TLN1: variants seen among roughly 807,000 people sequenced by gnomAD.
TLN1 encodes the protein talin 1, also known as talin-1.
TLN1 carries 56 observed loss-of-function variants against 292.3 expected under a neutral mutation model. The ratio of observed to expected loss-of-function variants is 0.19; its 90% CI spans 0.15 to 0.24. The LOEUF is 0.24. TLN1 is among the 10% of genes least tolerant of loss of function. TLN1 has a pLI of 1.00. For missense variants in TLN1, 2,433 were observed against 3,248.2 expected, an observed-to-expected ratio of 0.75 and a Z score of 6.10; for synonymous variants, 1,119 against 1,253.7, an observed-to-expected ratio of 0.89 and a Z score of 2.27.
chr9:35,714,616 G>A lies in TLN1; in HGVS notation c.2943C>T (p.Ser981=), dbSNP rs753144511. Residue 981 remains serine (S), a synonymous_variant, in exon 23 of 57, where the codon AGC becomes AGT. Coordinates refer to ENST00000314888, the MANE Select transcript of TLN1 (RefSeq NM_006289.4). The surrounding 1 kb of genome is among the most constrained non-coding windows in gnomAD (Gnocchi z 4.6). ...RGSQAQPDSP[S]AQLALIAASQ... ...TGGCAGCAATGAGGGCAAGCTGAGC[G>A]CTGGGGCTGTCAGGCTGGGCTTGGC... The A allele has an allele frequency of 6.2e-6, 10 of 1,612,990 alleles. No individual in the cohort carries two copies. The highest frequency in any genetic ancestry group is 2.2e-5 in the East Asian group (1 of 44,900).
chr9:35,718,466 G>C (rs1825823620), intron 17 of TLN1, among the ~76,000 whole-genome samples: 1 of 152,166 alleles, frequency 6.6e-6, no homozygotes, highest in African/African-American at 2.4e-5. Flanking sequence ...GCGGGAAGGG[G>C]GAGAGCTAGA....
rs1230972935 is a variant in TLN1, at chr9:35,697,531, A to C, written c.*260T>G. Reference sequence around the variant, plus strand: ...CCCCGGCAGATTCAGATCGAGGTACAGCAGCGTTAATAATACTCTTGGAGC... The same window carrying C: ...CCCCGGCAGATTCAGATCGAGGTACCGCAGCGTTAATAATACTCTTGGAGC... On this transcript the variant is annotated 3_prime_UTR_variant, in exon 57 of 57. Coordinates refer to ENST00000314888, the MANE Select transcript of TLN1 (RefSeq NM_006289.4). 4.0e-6 allele frequency: 2 copies of C among 494,246 alleles called. No individual in the cohort carries two copies. Among genetic ancestry groups the C allele is most frequent in the African/African-American group, 1.9e-5 (1 of 51,710 alleles). The allele number at this position is 494,246 out of a possible 1,614,324, so 30.6% of individuals were successfully genotyped here.
Position 35,719,951 on chromosome 9 carries a change from A to G in TLN1, c.1464+88T>C. ...GTCTAGGGAGAGAATACAAATAGGG[A>G]CCTGGGAAAAGACTGCCTAACTCCT... On this transcript the variant is annotated intron_variant, in intron 13 of 56. Coordinates refer to ENST00000314888, the MANE Select transcript of TLN1 (RefSeq NM_006289.4). This position sits in a 1 kb window ranked among gnomAD's most constrained non-coding sequence, Gnocchi z 4.6. 3 of 1,587,106 alleles carry G rather than the reference A, an allele frequency of 1.9e-6. No individual in the cohort carries two copies. The highest frequency in any genetic ancestry group is 2.6e-6 in the Non-Finnish European group (3 of 1,162,268).
chr9:35,707,551 G>A lies in TLN1; in HGVS notation c.4633-63C>T, dbSNP rs1173094206. On this transcript the variant is annotated intron_variant, in intron 35 of 56. Coordinates refer to ENST00000314888, the MANE Select transcript of TLN1 (RefSeq NM_006289.4). The surrounding 1 kb of genome is among the most constrained non-coding windows in gnomAD (Gnocchi z 5.6). ...AGTCATAGGGGGTATAGGAAGTGAA[G>A]TCCAGGTCTCCTTCCTGGGACTTAC... 6.3e-7 allele frequency: 1 copy of A among 1,593,630 alleles called. No individual in the cohort carries two copies. Among genetic ancestry groups the A allele is most frequent in the Non-Finnish European group, 8.6e-7 (1 of 1,166,638 alleles).
In TLN1 at chr9:35,714,085, T is replaced by A. The variant is rs756214573; in HGVS notation, c.3121-4A>T. On this transcript the variant is annotated splice_polypyrimidine_tract_variant and splice_region_variant and intron_variant, in intron 24 of 56. Transcript: ENST00000314888. This position sits in a 1 kb window ranked among gnomAD's most constrained non-coding sequence, Gnocchi z 4.6. ...AAGGTCCACATGCTTCCTGAGCCTATGATAAGAAAGGGGTTTTGGGTGTAG... is the reference window on the plus strand; with the variant it reads ...AAGGTCCACATGCTTCCTGAGCCTAAGATAAGAAAGGGGTTTTGGGTGTAG... 1 of 1,613,972 alleles carries A rather than the reference T, an allele frequency of 6.2e-7. No individual in the cohort carries two copies. Among genetic ancestry groups the A allele is most frequent in the East Asian group, 2.2e-5 (1 of 44,880 alleles).
chr9:35,699,757 A>AAAGAGG lies in TLN1; in HGVS notation c.6768+211_6768+216dup, dbSNP rs371658195. The AAAGAGG allele has an allele frequency of 1.7e-4, 153 of 916,788 alleles. No individual in the cohort carries two copies. The African/African-American group carries it at 2.3e-3, about 14-fold the overall frequency. The allele number at this position is 916,788 out of a possible 1,614,324, so 56.8% of individuals were successfully genotyped here. A position where few individuals can be genotyped will look rare whatever the true frequency, so the allele number is the denominator to read the frequency against. ...CAGGTGGGAAGGGAGGAGAAAAGAA[A>AAAGAGG]AAGAGGAAGAGGAAGAGGTGACTGG... On this transcript the variant is annotated intron_variant, in intron 50 of 56. Coordinates refer to ENST00000314888, the MANE Select transcript of TLN1 (RefSeq NM_006289.4). The surrounding 1 kb of genome is among the most constrained non-coding windows in gnomAD (Gnocchi z 4.0).
intron 41 of TLN1, 40 bp from the exon 42 acceptor site, chr9:35,705,891 T>C: frequency 1.2e-6 from 2 of 1,614,084 alleles, no homozygotes; most frequent in Non-Finnish European, 1.7e-6. Flanking sequence ...ACTGTTAGGG[T>C]CTCTGCCACT....
chr9:35,711,788 G>T lies in TLN1; in HGVS notation c.3686C>A (p.Pro1229His). ...TTCTTGAAATGTCCCAGTGCTAGGA[G>T]GAAGCTGCAAGGTGAGAGGGGAAGT... ...ASKRLLSDSL[P>H]PSTGTFQEAQ... Residue 1229 changes from proline (P) to histidine (H), a missense_variant, in exon 29 of 57, where the codon CCT becomes CAT. Transcript: ENST00000314888. The T allele has an allele frequency of 6.2e-7, 1 of 1,613,990 alleles. No homozygotes were observed. Among genetic ancestry groups the T allele is most frequent in the Non-Finnish European group, 8.5e-7 (1 of 1,180,032 alleles).
Position 35,697,871 on chromosome 9 carries a change from C to T in TLN1, c.7546G>A (p.Glu2516Lys). ...EEMLRKEREL[E>K]EARKKLAQIR... ...TGGGCCAGTTTCTTCCGCGCCTCTT[C>T]CAGCTCTCGTTCCTTCCGAAGCATT... Residue 2516 changes from glutamate (E) to lysine (K), a missense_variant, in exon 57 of 57, where the codon GAA becomes AAA. Around this residue, in one of 7 missense-constraint regions of TLN1, gnomAD observed 141 missense variants for 248.5 expected, o/e 0.57. Transcript: ENST00000314888. 1 of 1,614,200 alleles carries T rather than the reference C, an allele frequency of 6.2e-7. No individual in the cohort carries two copies. Among genetic ancestry groups the T allele is most frequent in the Non-Finnish European group, 8.5e-7 (1 of 1,180,036 alleles).
rs763417531 is a variant in TLN1 at position 35,719,541 on chromosome 9, C to T, written c.1665G>A (p.Ala555=). 3.7e-5 allele frequency: 60 copies of T among 1,613,986 alleles called. 1 individual carries two copies. The South Asian group carries it at 4.3e-4, about 12-fold the overall frequency. ...TACCTGCTGTCAGGTTCACCACAGA[C>T]GCAGTACCAGCTGTGATGGCATCTA... The part of the protein sequence containing the change: ...SQVDAITAGT[A]SVVNLTAGDP... The change falls in exon 15 of 57, where the codon GCG becomes GCA. Residue 555 remains alanine, a synonymous_variant. Coordinates refer to ENST00000314888, the MANE Select transcript of TLN1 (RefSeq NM_006289.4). The surrounding 1 kb of genome is among the most constrained non-coding windows in gnomAD (Gnocchi z 4.6).
Position 35,712,980 on chromosome 9 carries a change from G to C in TLN1, c.3416C>G (p.Ala1139Gly). Residue 1139 changes from alanine (A) to glycine (G), a missense_variant, in exon 27 of 57, where the codon GCT becomes GGT. By Grantham distance (60) the Ala-to-Gly change is moderately conservative. Transcript: ENST00000314888. ...RSLAQAARGV[A>G]ALTSDPAVQA... ...CACTGCAGGATCTGACGTCAGTGCAGCGACTCCCCTAGCGGCCTGGGCCAG... is the reference window on the plus strand; with the variant it reads ...CACTGCAGGATCTGACGTCAGTGCACCGACTCCCCTAGCGGCCTGGGCCAG... The C allele has an allele frequency of 6.2e-7, 1 of 1,610,266 alleles. No individual in the cohort carries two copies. The highest frequency in any genetic ancestry group is 8.5e-7 in the Non-Finnish European group (1 of 1,178,968).
intron 3 of TLN1, 115 bp from the exon 4 acceptor site, chr9:35,725,074 T>C: frequency 3.2e-6 from 5 of 1,567,190 alleles, no homozygotes; most frequent in Non-Finnish European, 4.4e-6. Context: ...TGGTGGTTCG[T>C]TCAAAAGCAG....
In TLN1 at chr9:35,713,938, C is replaced by A; in HGVS notation, c.3249+15G>T. 6.2e-7 allele frequency: 1 copy of A among 1,614,016 alleles called. No homozygotes were observed. Among genetic ancestry groups the A allele is most frequent in the South Asian group, 1.1e-5 (1 of 91,056 alleles). On this transcript the variant is annotated intron_variant, in intron 25 of 56. Coordinates refer to ENST00000314888, the MANE Select transcript of TLN1 (RefSeq NM_006289.4). ...TTTAGGATTTGAGTAAGAATGAGGTCTTAAACATACTTACTGTCTCCCCAG... is the reference window on the plus strand; with the variant it reads ...TTTAGGATTTGAGTAAGAATGAGGTATTAAACATACTTACTGTCTCCCCAG...
rs1376270357 is a variant in TLN1, at chr9:35,707,880, C to T, written c.4483G>A (p.Ala1495Thr). The T allele has an allele frequency of 6.2e-7, 1 of 1,613,972 alleles. No individual in the cohort carries two copies. The highest frequency in any genetic ancestry group is 8.5e-7 in the Non-Finnish European group (1 of 1,179,920). Residue 1495 changes from alanine (A) to threonine (T), a missense_variant, in exon 35 of 57, where the codon GCC becomes ACC. Physicochemically the swap from Ala to Thr is moderately conservative, Grantham distance 58. This residue lies in a region of TLN1 where 1,384 missense variants were observed against 1,699.6 expected (regional missense o/e 0.81). Coordinates refer to ENST00000314888, the MANE Select transcript of TLN1 (RefSeq NM_006289.4). This position sits in a 1 kb window ranked among gnomAD's most constrained non-coding sequence, Gnocchi z 5.6. ...GCTQAQVLSAATIVAKHTSAL... is the reference protein window; with the variant it reads ...GCTQAQVLSATTIVAKHTSAL... ...GAGGTGTGTTTAGCCACAATGGTGGCTGCAGAGAGCACCTGAGGAGACACA... is the reference window on the plus strand; with the variant it reads ...GAGGTGTGTTTAGCCACAATGGTGGTTGCAGAGAGCACCTGAGGAGACACA...
Position 35,698,298 on chromosome 9 carries a change from C to G in TLN1, c.7371+25G>C. ...GTTTGAAGCAGTATAGCCCAAGGGA[C>G]AATGGGATGGGTCAGGGTTCTCACC... On this transcript the variant is annotated intron_variant, in intron 55 of 56. Transcript: ENST00000314888. This position sits in a 1 kb window ranked among gnomAD's most constrained non-coding sequence, Gnocchi z 5.3. The G allele has an allele frequency of 1.9e-6, 3 of 1,612,908 alleles. No homozygotes were observed. The highest frequency in any genetic ancestry group is 2.5e-6 in the Non-Finnish European group (3 of 1,179,116).
chr9:35,703,174 G>A (rs1411433200), intron 48 of TLN1, among the ~76,000 whole-genome samples: 1 of 152,162 alleles, frequency 6.6e-6, no homozygotes, highest in East Asian at 1.9e-4. Flanking sequence ...GTATGCACCT[G>A]TATTCCCAGT....
chr9:35,716,948 G>A (rs899526458), intron 19 of TLN1, among the ~76,000 whole-genome samples, 198 bp downstream of exon 19: 1 of 152,140 alleles, frequency 6.6e-6, no homozygotes, highest in African/African-American at 2.4e-5. Flanking sequence ...GAAGGTAGAG[G>A]ACTTAATATT....
Position 35,698,172 on chromosome 9 carries a change from C to T in TLN1, c.7372G>A (p.Ala2458Thr), listed in dbSNP as rs555751291. The change falls in exon 56 of 57, where the codon GCT becomes ACT. Residue 2458 changes from alanine (A) to threonine (T), a missense_variant and splice_region_variant. Around this residue, in one of 7 missense-constraint regions of TLN1, gnomAD observed 141 missense variants for 248.5 expected, o/e 0.57. Coordinates refer to ENST00000314888, the MANE Select transcript of TLN1 (RefSeq NM_006289.4). The surrounding 1 kb of genome is among the most constrained non-coding windows in gnomAD (Gnocchi z 5.3). ...QDSEAMKRLQ[A>T]AGNAVKRASD... Reference sequence around the variant, plus strand: ...GCTCGCTTCACTGCGTTGCCAGCAGCCTGGGCAGAGAGAAAGTGGCCTAGG... The same window carrying T: ...GCTCGCTTCACTGCGTTGCCAGCAGTCTGGGCAGAGAGAAAGTGGCCTAGG... 1.2e-6 allele frequency: 2 copies of T among 1,613,912 alleles called. No individual in the cohort carries two copies. Among genetic ancestry groups the T allele is most frequent in the Admixed American group, 1.7e-5 (1 of 60,026 alleles).
intron 7 of TLN1, 127 bp downstream of exon 7, chr9:35,723,825 T>G (rs1825920086): frequency 1.4e-6 from 2 of 1,422,852 alleles, no homozygotes; most frequent in Non-Finnish European, 1.9e-6. Flanking sequence ...GTAGCTATGT[T>G]GGTCAAACCC....
Sources: gnomAD v4.1 joint callset for allele counts (sites outside exome capture counted in the v4.1 genomes callset) on GRCh38, gnomAD v4.1.1 for gene constraint, gnomAD v4.1.1 regional missense constraint, Gnocchi (gnomAD v3.1) non-coding constraint, MANE v1.5 for transcripts, NCBI Gene and HGNC (gene_info 2026-07-23, HGNC 2026-07-21) for gene names.